The following ZNF267 variants were observed in gnomAD, a reference collection of about 807,000 sequenced individuals.
The protein encoded by ZNF267 is zinc finger (C2H2).
ZNF267 carries 61 observed loss-of-function variants against 71.6 expected under a neutral mutation model. The observed-to-expected ratio is 0.85, with a 90% CI of 0.69 to 1.05. The LOEUF is 1.05. Among genes scored for constraint, ZNF267 ranks in the 50% least tolerant of loss-of-function variants. The pLI is 0.00. For missense variants in ZNF267, 852 were observed against 870.0 expected, an observed-to-expected ratio of 0.98 and a Z score of 0.26; for synonymous variants, 288 against 293.2, an observed-to-expected ratio of 0.98 and a Z score of 0.18.
intron 3 of ZNF267, chr16:31,913,822 A>G (rs957941677): frequency 2.6e-5 from 4 of 152,112 alleles, no homozygotes; most frequent in Non-Finnish European, 5.9e-5. Context: ...TGCTTCCACA[A>G]CTGGGACTTA....
chr16:31,894,852 G>T, intron 3 of ZNF267: 1 of 441,016 alleles, frequency 2.3e-6, no homozygotes, highest in Non-Finnish European at 4.5e-6. Flanking sequence ...TGGAGGTGGA[G>T]TGTTGAGCTG....
At chr16:31,901,924 T>C (rs1326608378) in intron 3 of ZNF267, among the ~76,000 whole-genome samples, 1 of 152,238 alleles carries the variant, frequency 6.6e-6, no homozygotes, top group Non-Finnish European at 1.5e-5. Flanking sequence ...TCTTAAGTTT[T>C]AGGTCTAATA....
At chr16:31,896,016 G>A (rs2083995592) in intron 3 of ZNF267, among the ~76,000 whole-genome samples, 1 of 152,044 alleles carries the variant, frequency 6.6e-6, no homozygotes, top group Admixed American at 6.5e-5. Context: ...TGCTTTTCAA[G>A]TCTTTATTTT....
intron 3 of ZNF267, chr16:31,894,953 C>T: frequency 2.9e-6 from 1 of 344,412 alleles, no homozygotes; most frequent in South Asian, 3.0e-5. Context: ...GTTAAGAAGA[C>T]AGCCTCTTTC....
intron 3 of ZNF267, among the ~76,000 whole-genome samples, chr16:31,905,887 C>G (rs2084085768): frequency 6.6e-6 from 1 of 152,132 alleles, no homozygotes; most frequent in Admixed American, 6.5e-5. Context: ...TCCAGTGTTT[C>G]TGCTGTTTTT....
intron 3 of ZNF267, chr16:31,911,784 T>G (rs2084137468): frequency 6.6e-6 from 1 of 151,558 alleles, no homozygotes; most frequent in Non-Finnish European, 1.5e-5. Flanking sequence ...CTTGGTGGTA[T>G]GATTTAATTT....
chr16:31,906,617 C>A (rs1323984722), intron 3 of ZNF267, among the ~76,000 whole-genome samples: 1 of 152,140 alleles, frequency 6.6e-6, no homozygotes, highest in Admixed American at 6.5e-5. Context: ...GTTTGTTAAG[C>A]CTATTGGAAA....
chr16:31,881,672 T>TC (rs1215729913), intron 1 of ZNF267, among the ~76,000 whole-genome samples: 14 of 143,920 alleles, frequency 9.7e-5, no homozygotes, highest in African/African-American at 3.1e-4. Flanking sequence ...TTCTTCTTCT[T>TC]TTTTTTTTTT....
At chr16:31,883,598 T>G (rs1430835106) in intron 1 of ZNF267, among the ~76,000 whole-genome samples, 1 of 152,220 alleles carries the variant, frequency 6.6e-6, no homozygotes, top group Non-Finnish European at 1.5e-5. Flanking sequence ...AACTACTATG[T>G]AGCAAATATT....
At chr16:31,894,884 A>C (rs1350418028) in intron 3 of ZNF267, 2 of 399,882 alleles carry the variant, frequency 5.0e-6, no homozygotes, top group Non-Finnish European at 9.9e-6. Context: ...AATCTCTTTC[A>C]TGACCAACCT....
chr16:31,896,752 A>G (rs546266042), intron 3 of ZNF267, among the ~76,000 whole-genome samples: 18 of 152,224 alleles, frequency 1.2e-4, no homozygotes, highest in African/African-American at 4.3e-4. Context: ...TGTTTTGGCT[A>G]TTCAGGGTCC....
At position 31,887,623 on chromosome 16, in the gene ZNF267, ATTTGTTGAAGAGACTATACTTCCCC is replaced by A. The variant is rs1236921220; in HGVS notation, c.226+2373_226+2397del. ...CAGATGACTACTTTCTTTCAGCATT[ATTTGTTGAAGAGACTATACTTCCCC>A]TTTGTGTATCTTGGTGCCCTTGTCA... On this transcript the variant is annotated intron_variant, in intron 3 of 3. Coordinates refer to ENST00000300870, the MANE Select transcript of ZNF267 (RefSeq NM_003414.6). 3.2e-4 allele frequency among the ~76,000 whole-genome samples: 49 copies of A among 152,148 alleles called. 1 individual carries two copies. The highest frequency in any genetic ancestry group is 1.2e-3 in the African/African-American group (49 of 41,458).
chr16:31,914,513 G>C lies in ZNF267; in HGVS notation c.264G>C (p.Glu88Asp). ...FSHYNKDLLT[E>D]HCTEASFQKV... ...ATTATAACAAGGACCTGTTGACAGAGCACTGCACAGAAGCTTCATTCCAAA... is the reference window on the plus strand; with the variant it reads ...ATTATAACAAGGACCTGTTGACAGACCACTGCACAGAAGCTTCATTCCAAA... The change falls in exon 4 of 4, where the codon GAG (glutamate) becomes GAC (aspartate). Residue 88 changes from glutamate (E) to aspartate (D), a missense_variant. By Grantham distance (45) the Glu-to-Asp change is conservative (BLOSUM62 2). Coordinates refer to ENST00000300870, the MANE Select transcript of ZNF267 (RefSeq NM_003414.6). The C allele has an allele frequency of 3.1e-6, 5 of 1,612,876 alleles. No homozygotes were observed. The highest frequency in any genetic ancestry group is 4.2e-6 in the Non-Finnish European group (5 of 1,179,540).
Position 31,915,126 on chromosome 16 carries a change from A to C in ZNF267, c.877A>C (p.Asn293His). 1 of 1,613,496 alleles carries C rather than the reference A, an allele frequency of 6.2e-7. No individual in the cohort carries two copies. The highest frequency in any genetic ancestry group is 1.7e-5 in the Admixed American group (1 of 59,952). The change falls in exon 4 of 4, where the codon AAC becomes CAC. Residue 293 changes from asparagine to histidine, a missense_variant. Transcript: ENST00000300870. The part of the protein sequence containing the change: ...IQHQTIHIRE[N>H]SYSYNKYDKD... ...ACATCAGACCATCCATATCAGAGAA[A>C]ACTCATATAGCTATAACAAATATGA...
chr16:31,910,514 A>G (rs906757407), intron 3 of ZNF267, among the ~76,000 whole-genome samples: 4 of 151,590 alleles, frequency 2.6e-5, no homozygotes, highest in Non-Finnish European at 5.9e-5. Flanking sequence ...CATTTTTGTT[A>G]GATTTTCCAA....
At chr16:31,880,875 C>G (rs1378375216) in intron 1 of ZNF267, among the ~76,000 whole-genome samples, 3 of 152,156 alleles carry the variant, frequency 2.0e-5, no homozygotes, top group Non-Finnish European at 4.4e-5. Flanking sequence ...ATGCAGCAGC[C>G]ATAGTCCCTA....
rs145785745 is a variant in ZNF267, at chr16:31,887,009, A to T, written c.226+1753A>T. On this transcript the variant is annotated intron_variant, in intron 3 of 3. Transcript: ENST00000300870. The stretch of plus-strand genomic sequence containing the variant: ...TGTACAAGGGTTTTCTTTTCTCCAC[A>T]CTCTGACTCTTAATATTTCTTGACT... Among the ~76,000 whole-genome samples the T allele has an allele frequency of 1.8e-3, 270 of 152,088 alleles. 1 individual carries two copies. Among genetic ancestry groups the T allele is most frequent in the Non-Finnish European group, 3.0e-3 (206 of 67,990 alleles).
chr16:31,874,286 G>T, intron 1 of ZNF267: 1 of 319,538 alleles, frequency 3.1e-6, no homozygotes, highest in Non-Finnish European at 5.8e-6. Context: ...AGCGTCTCAG[G>T]GGAGACCCAG....
chr16:31,915,270 C>T lies in ZNF267; in HGVS notation c.1021C>T (p.Gln341Ter). 6.2e-7 allele frequency: 1 copy of T among 1,613,836 alleles called. No individual in the cohort carries two copies. Among genetic ancestry groups the T allele is most frequent in the South Asian group, 1.1e-5 (1 of 91,066 alleles). Residue 341 changes from glutamine (Q) to a stop codon, truncating the protein, a stop_gained, in exon 4 of 4, where the codon CAG (glutamine) becomes TAG (stop). Coordinates refer to ENST00000300870, the MANE Select transcript of ZNF267 (RefSeq NM_003414.6). LOFTEE classifies it high-confidence loss of function. ...LNHSLHLTQH[Q>*]IIPTEEKPCK... ...CCATAGTTTGCACCTTACTCAACAT[C>T]AGATCATTCCTACCGAAGAGAAACC...
Sources: allele counts gnomAD v4.1 joint callset (sites outside exome capture counted in the v4.1 genomes callset), GRCh38; gene constraint gnomAD v4.1.1; transcripts MANE v1.5; gene names NCBI Gene and HGNC (gene_info 2026-07-23, HGNC 2026-07-21).